The following PCDHA4 variants were observed in gnomAD, a reference collection of about 807,000 sequenced individuals.
PCDHA4 encodes the protein protocadherin alpha-4.
In PCDHA4, 49 loss-of-function variants were observed where a neutral mutation model predicts 61.4. The observed-to-expected ratio is 0.80, with a 90% confidence interval of 0.63 to 1.01. The LOEUF (loss-of-function observed/expected upper bound fraction) is 1.01, where lower values mean the gene tolerates loss of function less well. PCDHA4 is among the 50% of genes least tolerant of loss of function. PCDHA4 has a pLI of 0.00. For missense variants in PCDHA4, 1,254 were observed against 1,235.8 expected (o/e 1.01, Z -0.22); for synonymous variants, 590 against 550.3 (o/e 1.07, Z -1.01).
rs1277390291 is a variant in PCDHA4 at position 140,926,661 on chromosome 5, A to T, written c.2386-52288A>T. 7.5e-6 allele frequency: 4 copies of T among 536,378 alleles called. No homozygotes were observed. In the African/African-American group the frequency reaches 7.9e-5, roughly 11 times the overall value. The allele number at this position is 536,378 out of a possible 1,614,324, so 33.2% of individuals were successfully genotyped here. A position where few individuals can be genotyped will look rare whatever the true frequency, so the allele number is the denominator to read the frequency against. On this transcript the variant is annotated intron_variant, in intron 1 of 3. Coordinates refer to ENST00000530339, the MANE Select transcript of PCDHA4 (RefSeq NM_018907.4). ...AACACCCGGCCGGCTCCGCTTTCCC[A>T]GACGGCTGCCCAGCCTCCAGCCTAG...
At chr5:140,922,002 A>G (rs138196210) in intron 1 of PCDHA4, among the ~76,000 whole-genome samples, 100 of 152,130 alleles carry the variant, frequency 6.6e-4, no homozygotes, top group Admixed American at 1.6e-3. Flanking sequence ...CAATGAAATG[A>G]TTAGTTTAAA....
intron 1 of PCDHA4, among the ~76,000 whole-genome samples, chr5:140,909,474 C>G (rs1554193804): frequency 6.6e-6 from 1 of 152,182 alleles, no homozygotes; most frequent in African/African-American, 2.4e-5. Context: ...TCTTCACAGG[C>G]TAAATAGGAG....
intron 1 of PCDHA4, chr5:140,824,263 T>G (rs2150133748): frequency 3.2e-5 from 41 of 1,289,644 alleles, no homozygotes; most frequent in Non-Finnish European, 4.4e-5. Context: ...TTGCACTAAT[T>G]CATGTATTAT....
At chr5:140,871,062 C>T (rs1434880600) in intron 1 of PCDHA4, 2 of 1,613,102 alleles carry the variant, frequency 1.2e-6, no homozygotes, top group African/African-American at 2.7e-5. Context: ...TGAAGGATCA[C>T]GGTGAGCCGG....
chr5:140,928,802 TG>T, intron 1 of PCDHA4: 1 of 1,614,142 alleles, frequency 6.2e-7, no homozygotes, highest in South Asian at 1.1e-5. Context: ...GTGGTGGTAG[TG>T]GTTCGGGACC....
At chr5:140,857,335 G>T in intron 1 of PCDHA4, 1 of 1,598,584 alleles carries the variant, frequency 6.3e-7, no homozygotes, top group South Asian at 1.1e-5. Flanking sequence ...CGCGGGACGG[G>T]GGCTCGCCTC....
At chr5:140,894,554 G>GA (rs1204407145) in intron 1 of PCDHA4, among the ~76,000 whole-genome samples, 2 of 151,600 alleles carry the variant, frequency 1.3e-5, no homozygotes, top group Non-Finnish European at 2.9e-5. Flanking sequence ...GTTTACTTCT[G>GA]AAAAAATTAT....
At chr5:140,922,391 G>T (rs1354789717) in intron 1 of PCDHA4, among the ~76,000 whole-genome samples, 1 of 152,182 alleles carries the variant, frequency 6.6e-6, no homozygotes, top group Non-Finnish European at 1.5e-5. Context: ...AAGACTCCTT[G>T]TTTTGGATTA....
At position 140,869,969 on chromosome 5, in the gene PCDHA4, G is replaced by A. The variant is rs147407508; in HGVS notation, c.2385+60397G>A. 57 of 1,613,134 alleles carry A rather than the reference G, an allele frequency of 3.5e-5. No individual in the cohort carries two copies. In the African/African-American group the frequency reaches 7.1e-4, roughly 20 times the overall value. On this transcript the variant is annotated intron_variant, in intron 1 of 3. Coordinates refer to ENST00000530339, the MANE Select transcript of PCDHA4 (RefSeq NM_018907.4). Reference sequence around the variant, plus strand: ...TTAATGTCAATTAAGCCCAATGGAAGACACTTATTTACACTAGATCAAAAT... The same window carrying A: ...TTAATGTCAATTAAGCCCAATGGAAAACACTTATTTACACTAGATCAAAAT...
chr5:140,880,739 A>G (rs1349403476), intron 1 of PCDHA4, among the ~76,000 whole-genome samples: 1 of 152,204 alleles, frequency 6.6e-6, no homozygotes, highest in South Asian at 2.1e-4. Context: ...GAGAAAATGG[A>G]TTGTCAGTGT....
At chr5:140,848,364 G>T in intron 1 of PCDHA4, 1 of 1,077,714 alleles carries the variant, frequency 9.3e-7, no homozygotes, top group South Asian at 1.6e-5. Flanking sequence ...CCATGGGAAA[G>T]AGGCTCAATT....
At position 140,829,715 on chromosome 5, in the gene PCDHA4, G is replaced by A. The variant is rs2150173253; in HGVS notation, c.2385+20143G>A. On this transcript the variant is annotated intron_variant, in intron 1 of 3. Coordinates refer to ENST00000530339, the MANE Select transcript of PCDHA4 (RefSeq NM_018907.4). ...TCAGGTGAGCGCGCGCGACGCGGGC[G>A]TGCCGCCTCTGGGCAGCAACGTGAC... is the stretch of plus-strand genomic sequence containing the variant. 5.6e-6 allele frequency: 9 copies of A among 1,613,468 alleles called. No individual in the cohort carries two copies. The Admixed American group carries it at 1.0e-4, about 18-fold the overall frequency.
intron 1 of PCDHA4, among the ~76,000 whole-genome samples, chr5:140,936,457 TG>T (rs782214118): frequency 2.2e-4 from 34 of 152,232 alleles, no homozygotes; most frequent in Non-Finnish European, 4.6e-4. Flanking sequence ...ATCTGTTTAG[TG>T]GTTGCTGTAG....
intron 1 of PCDHA4, among the ~76,000 whole-genome samples, chr5:140,897,653 G>A (rs1446334429): frequency 1.3e-5 from 2 of 152,100 alleles, no homozygotes; most frequent in Non-Finnish European, 2.9e-5. Flanking sequence ...AAACATACGT[G>A]TGCATGTGTC....
Position 140,924,861 on chromosome 5 carries a change from C to T in PCDHA4, c.2386-54088C>T, listed in dbSNP as rs150955497. ...AGGGAGCTCAGATCGTGCCACTGCA[C>T]TCCAGCCTGGGTGACAGAGCAAGAA... On this transcript the variant is annotated intron_variant, in intron 1 of 3. Transcript: ENST00000530339. Among the ~76,000 whole-genome samples, 427 of 150,140 alleles carry T rather than the reference C, an allele frequency of 2.8e-3. 1 individual carries two copies. The highest frequency in any genetic ancestry group is 0.01 in the African/African-American group (408 of 40,512).
chr5:140,900,438 C>T (rs573115268), intron 1 of PCDHA4, among the ~76,000 whole-genome samples: 21 of 152,234 alleles, frequency 1.4e-4, no homozygotes, highest in South Asian at 8.3e-4. Flanking sequence ...CCACCACGGC[C>T]GGCTAATTTT....
intron 1 of PCDHA4, among the ~76,000 whole-genome samples, chr5:140,943,341 G>T (rs1021651625): frequency 5.3e-5 from 8 of 151,780 alleles, no homozygotes; most frequent in African/African-American, 1.9e-4. Context: ...CATTGGACAG[G>T]ATGAGAGTAG....
At chr5:140,962,585 T>C (rs2095694248) in intron 1 of PCDHA4, among the ~76,000 whole-genome samples, 1 of 152,216 alleles carries the variant, frequency 6.6e-6, no homozygotes, top group South Asian at 2.1e-4. Flanking sequence ...ATGCCAAATA[T>C]TTGACTGATA....
chr5:140,920,403 T>A (rs1440027208), intron 1 of PCDHA4, among the ~76,000 whole-genome samples: 3 of 152,356 alleles, frequency 2.0e-5, no homozygotes, highest in South Asian at 2.1e-4. Context: ...TGTCTTTTTT[T>A]AATCAGATAC....
Sources: allele counts gnomAD v4.1 joint callset (sites outside exome capture counted in the v4.1 genomes callset), GRCh38; gene constraint gnomAD v4.1.1; transcripts MANE v1.5; gene names NCBI Gene and HGNC (gene_info 2026-07-23, HGNC 2026-07-21).